The following CCDC40 variants were observed in gnomAD, a reference collection of about 807,000 sequenced individuals.
CCDC40 encodes the protein coiled-coil domain 40 molecular ruler complex subunit.
Under a neutral mutation model 124.5 loss-of-function variants are expected in CCDC40, and 104 were observed. That is an observed-to-expected ratio of 0.84 (90% confidence interval 0.71 to 0.98). CCDC40 has a LOEUF of 0.98. Ranked by LOEUF, CCDC40 falls within the 50% of genes least tolerant of loss-of-function variation. CCDC40 has a pLI of 0.00. For synonymous variants in CCDC40, 580 were observed against 602.9 expected (o/e 0.96, Z 0.56); for missense variants, 1,463 against 1,503.9 (o/e 0.97, Z 0.45).
intron 10 of CCDC40, 75 bp from the exon 11 acceptor site, chr17:80,081,471 G>A (rs1034184126): frequency 1.4e-5 from 23 of 1,593,618 alleles, no homozygotes; most frequent in African/African-American, 5.4e-5. Context: ...GAGCTCCCTC[G>A]TGTGGGGCGC....
chr17:80,067,316 C>T (rs907931330), intron 10 of CCDC40: 3 of 577,864 alleles, frequency 5.2e-6, no homozygotes, highest in Middle Eastern at 4.5e-4. Context: ...TCCTCCTCCT[C>T]GGCCCGCAGT....
Position 80,078,338 on chromosome 17 carries a change from A to C in CCDC40, c.1563-3208A>C, listed in dbSNP as rs367880640. 1.4e-4 allele frequency among the ~76,000 whole-genome samples: 21 copies of C among 151,962 alleles called. No homozygotes were observed. The East Asian group carries it at 2.1e-3, about 15-fold the overall frequency. ...AGAGCGAGACTCTGTCTCAAAAAAA[A>C]AAAAAAAAAAAGGAAAGAAAAAGAA... On this transcript the variant is annotated intron_variant, in intron 10 of 19. Transcript: ENST00000397545.
chr17:80,089,551 C>A, intron 16 of CCDC40: 2 of 379,556 alleles, frequency 5.3e-6, no homozygotes, highest in South Asian at 2.2e-5. Flanking sequence ...ACCCCCATCT[C>A]CCTCCCTCCC....
chr17:80,084,908 C>T lies in CCDC40; in HGVS notation c.2155C>T (p.Arg719Cys), dbSNP rs762105471. Residue 719 changes from arginine (R) to cysteine (C), a missense_variant, in exon 13 of 20, where the codon CGC becomes TGC. Transcript: ENST00000397545. ...ITNSQSEISR[R>C]TILIERKQGL... ...CAACAGCCAGAGCGAGATCTCCCGG[C>T]GCACGATCCTGATCGAGAGGAAGCA... is the stretch of plus-strand genomic sequence containing the variant. The T allele has an allele frequency of 1.7e-5, 27 of 1,613,942 alleles. No individual in the cohort carries two copies. The East Asian group carries it at 1.8e-4, about 11-fold the overall frequency.
chr17:80,054,041 C>T (rs936575534), intron 7 of CCDC40, among the ~76,000 whole-genome samples: 6 of 151,804 alleles, frequency 4.0e-5, no homozygotes, highest in South Asian at 2.1e-4. Flanking sequence ...ACATTCTATT[C>T]GAGAAGCTAA....
At chr17:80,048,500 G>A in intron 4 of CCDC40, 83 bp from the exon 5 acceptor site, 2 of 1,110,880 alleles carry the variant, frequency 1.8e-6, no homozygotes, top group Non-Finnish European at 2.7e-6. Context: ...CATGACAGCA[G>A]CTGTGCCATT....
intron 1 of CCDC40, among the ~76,000 whole-genome samples, chr17:80,036,995 C>T (rs1423418494): frequency 6.6e-6 from 1 of 152,218 alleles, no homozygotes; most frequent in East Asian, 1.9e-4. Context: ...ACTCTGCAGT[C>T]ACCATGGCAA....
intron 3 of CCDC40, among the ~76,000 whole-genome samples, chr17:80,043,634 G>A (rs1330296502): frequency 2.2e-5 from 3 of 135,210 alleles, no homozygotes; most frequent in Non-Finnish European, 4.6e-5. Flanking sequence ...TTGAAACAGA[G>A]TCTTGCCCAG....
At chr17:80,077,459 G>A (rs746249382) in intron 10 of CCDC40, among the ~76,000 whole-genome samples, 2 of 152,184 alleles carry the variant, frequency 1.3e-5, no homozygotes, top group African/African-American at 4.8e-5. Flanking sequence ...GTAGGTGGAG[G>A]TTGCAGTGAG....
At chr17:80,060,700 A>G (rs993145936) in intron 9 of CCDC40, among the ~76,000 whole-genome samples, 17 of 152,172 alleles carry the variant, frequency 1.1e-4, no homozygotes, top group Admixed American at 3.3e-4. Context: ...AAAATAAAAC[A>G]AAACCGTAAA....
chr17:80,060,865 T>G (rs1457605211), intron 9 of CCDC40, among the ~76,000 whole-genome samples: 1 of 152,242 alleles, frequency 6.6e-6, no homozygotes, highest in African/African-American at 2.4e-5. Flanking sequence ...TGTCGGGACA[T>G]TTGGTTAATC....
chr17:80,097,935 GAAAAGAAAAGAAAAGA>G (rs763838170), intron 19 of CCDC40: 1 of 92,744 alleles, frequency 1.1e-5, no homozygotes, highest in Non-Finnish European at 2.2e-5. Context: ...GAAAAGAAAA[GAAAAGAAAAGAAAAGA>G]AAAAGGGAAA....
rs1598500469 is a variant in CCDC40 at position 80,058,789 on chromosome 17, G to A, written c.1318-69G>A. The A allele has an allele frequency of 9.3e-6, 15 of 1,612,336 alleles. No individual in the cohort carries two copies. Among genetic ancestry groups the A allele is most frequent in the East Asian group, 4.5e-5 (2 of 44,864 alleles). On this transcript the variant is annotated intron_variant, in intron 8 of 19. Coordinates refer to ENST00000397545, the MANE Select transcript of CCDC40 (RefSeq NM_017950.4). This position sits in a 1 kb window ranked among gnomAD's most constrained non-coding sequence, Gnocchi z 4.2. ...CTGGGTGGCGTCAACTTGTATCAAG[G>A]GTTGGTGGAGAACAGGCCCTCAGCC... is the stretch of plus-strand genomic sequence containing the variant.
rs368028005 is a variant in CCDC40, at chr17:80,097,254, G to A, written c.3031G>A (p.Glu1011Lys). 6.8e-6 allele frequency: 11 copies of A among 1,613,800 alleles called. No homozygotes were observed. Among genetic ancestry groups the A allele is most frequent in the South Asian group, 2.2e-5 (2 of 91,082 alleles). ...CCTGTGATTCTCCTAGGCCACCGATGAGTGCACCAAAACCGTCCTGGAACT... is the reference window on the plus strand; with the variant it reads ...CCTGTGATTCTCCTAGGCCACCGATAAGTGCACCAAAACCGTCCTGGAACT... ...KIRDVRKATD[E>K]CTKTVLELEE... Residue 1011 changes from glutamate (E) to lysine (K), a missense_variant, in exon 19 of 20, where the codon GAG becomes AAG. Physicochemically the swap from Glu to Lys is moderately conservative, Grantham distance 56 (BLOSUM62 1). Transcript: ENST00000397545.
chr17:80,087,618 C>T lies in CCDC40; in HGVS notation c.2461C>T (p.Gln821Ter), dbSNP rs767127509. Residue 821 changes from glutamine (Q) to a stop codon, truncating the protein, a stop_gained, in exon 15 of 20, where the codon CAG (glutamine) becomes TAG (stop). Transcript: ENST00000397545. LOFTEE classifies it high-confidence loss of function. The surrounding 1 kb of genome is among the most constrained non-coding windows in gnomAD (Gnocchi z 4.5). ...KKLRVESKIEQEKKEQKEIEH... is the reference protein window; with the variant it reads ...KKLRVESKIE The stretch of plus-strand genomic sequence containing the variant: ...GTTTTCTGCCATAGGCAAGATTGAG[C>T]AGGAGAAGAAGGAGCAGAAGGAGAT... 1.2e-6 allele frequency: 2 copies of T among 1,614,068 alleles called. No individual in the cohort carries two copies. Among genetic ancestry groups the T allele is most frequent in the South Asian group, 2.2e-5 (2 of 91,088 alleles).
intron 7 of CCDC40, among the ~76,000 whole-genome samples, chr17:80,052,099 C>T (rs1263332290): frequency 1.3e-5 from 2 of 152,236 alleles, no homozygotes; most frequent in Non-Finnish European, 2.9e-5. Context: ...GGGTCCTGGC[C>T]CCTGGAGAAA....
At chr17:80,072,183 CG>C (rs1462450982) in intron 10 of CCDC40, among the ~76,000 whole-genome samples, 1 of 152,060 alleles carries the variant, frequency 6.6e-6, no homozygotes, top group Non-Finnish European at 1.5e-5. Context: ...ATGGGTTTGC[CG>C]GGCTGCATCC....
rs1181101788 is a variant in CCDC40, at chr17:80,048,663, A to G, written c.757A>G (p.Thr253Ala). 9 of 1,613,966 alleles carry G rather than the reference A, an allele frequency of 5.6e-6. No individual in the cohort carries two copies. The highest frequency in any genetic ancestry group is 4.0e-5 in the African/African-American group (3 of 74,910). The part of the protein sequence containing the change: ...VFQDQIQQPS[T>A]EEGAMAERVE... Reference sequence around the variant, plus strand: ...CCAGGACCAGATCCAGCAGCCCAGCACCGAGGAGGGGGCCATGGCAGAGAG... The same window carrying G: ...CCAGGACCAGATCCAGCAGCCCAGCGCCGAGGAGGGGGCCATGGCAGAGAG... The change falls in exon 5 of 20, where the codon ACC (threonine) becomes GCC (alanine). Residue 253 changes from threonine to alanine, a missense_variant. Coordinates refer to ENST00000397545, the MANE Select transcript of CCDC40 (RefSeq NM_017950.4).
At chr17:80,060,392 AT>A (rs113002483) in intron 9 of CCDC40, among the ~76,000 whole-genome samples, 6 of 151,658 alleles carry the variant, frequency 4.0e-5, no homozygotes, top group South Asian at 2.1e-4. Flanking sequence ...AAAAATAATA[AT>A]TAAAAAAAAA....
Sources: allele counts gnomAD v4.1 joint callset (sites outside exome capture counted in the v4.1 genomes callset), GRCh38; gene constraint gnomAD v4.1.1; non-coding constraint Gnocchi (gnomAD v3.1); transcripts MANE v1.5; gene names NCBI Gene and HGNC (gene_info 2026-07-23, HGNC 2026-07-21).